Variants in GRM3 observed in about 807,000 individuals in gnomAD.
GRM3 encodes the protein glutamate metabotropic receptor 3.
GRM3 carries 26 observed loss-of-function variants against 70.5 expected under a neutral mutation model. The ratio of observed to expected loss-of-function variants is 0.37; its 90% CI spans 0.27 to 0.51. GRM3 has a LOEUF of 0.51. Ranked by LOEUF, GRM3 falls within the 20% of genes least tolerant of loss-of-function variation. The pLI is 0.93. For synonymous variants in GRM3, 443 were observed against 434.9 expected (o/e 1.02, Z -0.23); for missense variants, 859 against 1,123.8 (o/e 0.76, Z 3.37).
At chr7:86,747,922 A>C (rs1291216388) in intron 1 of GRM3, among the ~76,000 whole-genome samples, 1 of 152,052 alleles carries the variant, frequency 6.6e-6, no homozygotes, top group East Asian at 1.9e-4. Context: ...ACTAAACAGC[A>C]CAGCCTGGAG....
intron 4 of GRM3, among the ~76,000 whole-genome samples, chr7:86,849,685 CTTT>C (rs1479046595): frequency 6.6e-6 from 1 of 152,132 alleles, no homozygotes; most frequent in Non-Finnish European, 1.5e-5. Context: ...TTCTGAGGAA[CTTT>C]CAGGGTAAAC....
chr7:86,763,753 A>C (rs1796534816), intron 1 of GRM3, among the ~76,000 whole-genome samples: 1 of 152,182 alleles, frequency 6.6e-6, no homozygotes, highest in Non-Finnish European at 1.5e-5. Context: ...GGCAGCCACC[A>C]GCAATCACAC....
At chr7:86,850,621 CAT>C in intron 5 of GRM3, 77 bp downstream of exon 5, 1 of 904,760 alleles carries the variant, frequency 1.1e-6, no homozygotes, top group Non-Finnish European at 1.8e-6. Flanking sequence ...ACAGGCAACA[CAT>C]GTCTGTCCCC....
intron 3 of GRM3, among the ~76,000 whole-genome samples, chr7:86,808,025 C>G (rs1797831593): frequency 2.0e-5 from 3 of 152,034 alleles, no homozygotes; most frequent in Admixed American, 2.0e-4. Flanking sequence ...GTCTTTGGTT[C>G]TGTTTATATG....
intron 3 of GRM3, among the ~76,000 whole-genome samples, chr7:86,793,510 G>T (rs1381164621): frequency 6.6e-6 from 1 of 152,176 alleles, no homozygotes; most frequent in Non-Finnish European, 1.5e-5. Flanking sequence ...CAGCTCTGCT[G>T]ATCAAAAGCA....
chr7:86,684,418 T>C (rs1388549403), intron 1 of GRM3, among the ~76,000 whole-genome samples: 1 of 152,230 alleles, frequency 6.6e-6, no homozygotes, highest in African/African-American at 2.4e-5. Flanking sequence ...CAATGCACAA[T>C]GTAGTAAATA....
At chr7:86,722,520 C>T (rs1188932990) in intron 1 of GRM3, among the ~76,000 whole-genome samples, 3 of 149,822 alleles carry the variant, frequency 2.0e-5, no homozygotes, top group African/African-American at 7.4e-5. Context: ...CCAAACACCA[C>T]ACGTTCTCAC....
intron 1 of GRM3, among the ~76,000 whole-genome samples, chr7:86,719,891 G>A (rs958806351): frequency 2.0e-5 from 3 of 152,032 alleles, no homozygotes; most frequent in African/African-American, 7.2e-5. Flanking sequence ...GTCCTGATGT[G>A]TGAGGAAGGA....
chr7:86,746,341 T>TTA (rs59930404), intron 1 of GRM3, among the ~76,000 whole-genome samples: 4,744 of 87,356 alleles, frequency 0.054, 169 homozygotes, highest in East Asian at 0.17. Flanking sequence ...CAGTCATGTA[T>TTA]TATATATATA....
chr7:86,680,614 T>C (rs1297426351), intron 1 of GRM3, among the ~76,000 whole-genome samples: 2 of 152,124 alleles, frequency 1.3e-5, no homozygotes, highest in Non-Finnish European at 2.9e-5. Context: ...CTTAGTACCC[T>C]ATAGCATAAT....
intron 3 of GRM3, among the ~76,000 whole-genome samples, chr7:86,796,206 A>T (rs1046885081): frequency 5.3e-5 from 8 of 152,262 alleles, no homozygotes; most frequent in Admixed American, 5.2e-4. Context: ...GGTTTACATT[A>T]AAGTATTTAA....
At chr7:86,657,784 A>T (rs1793784367) in intron 1 of GRM3, among the ~76,000 whole-genome samples, 2 of 152,102 alleles carry the variant, frequency 1.3e-5, no homozygotes, top group Non-Finnish European at 2.9e-5. Context: ...TGGGAATAAG[A>T]CACATGGAAT....
intron 3 of GRM3, among the ~76,000 whole-genome samples, chr7:86,803,296 C>T (rs1027400264): frequency 2.0e-5 from 3 of 152,138 alleles, no homozygotes; most frequent in South Asian, 4.1e-4. Flanking sequence ...CTTTTGCCTA[C>T]CTCAATTCAC....
chr7:86,768,881 A>G (rs577185211), intron 2 of GRM3, among the ~76,000 whole-genome samples: 129 of 152,246 alleles, frequency 8.5e-4, no homozygotes, highest in African/African-American at 2.8e-3. Context: ...GAACCCTTCA[A>G]TACAGGGTCC....
chr7:86,649,153 G>C (rs973488679), intron 1 of GRM3, among the ~76,000 whole-genome samples: 2 of 152,074 alleles, frequency 1.3e-5, no homozygotes, highest in Non-Finnish European at 2.9e-5. Context: ...TTTTAAACAA[G>C]TACTCTCCCT....
intron 1 of GRM3, among the ~76,000 whole-genome samples, chr7:86,680,760 G>C (rs914307205): frequency 1.3e-5 from 2 of 152,110 alleles, no homozygotes; most frequent in African/African-American, 2.4e-5. Context: ...CTTGTTCTTA[G>C]AGCTCCCAGC....
At chr7:86,734,250 A>G (rs962137565) in intron 1 of GRM3, among the ~76,000 whole-genome samples, 2 of 152,176 alleles carry the variant, frequency 1.3e-5, no homozygotes, top group Non-Finnish European at 2.9e-5. Flanking sequence ...TTAAGCATCA[A>G]TATACAGTGT....
intron 4 of GRM3, among the ~76,000 whole-genome samples, chr7:86,841,665 A>G (rs1335042027): frequency 2.0e-5 from 3 of 152,174 alleles, no homozygotes; most frequent in Non-Finnish European, 4.4e-5. Context: ...CTTCATTCTC[A>G]AAAGAGCTGG....
intron 1 of GRM3, among the ~76,000 whole-genome samples, chr7:86,725,212 T>C (rs762535774): frequency 6.6e-6 from 1 of 152,178 alleles, no homozygotes; most frequent in Non-Finnish European, 1.5e-5. Context: ...TCTTTAAGGA[T>C]TGATTTGAGG....
Sources: allele counts gnomAD v4.1 joint callset (sites outside exome capture counted in the v4.1 genomes callset), GRCh38; gene constraint gnomAD v4.1.1; transcripts MANE v1.5; gene names NCBI Gene and HGNC (gene_info 2026-07-23, HGNC 2026-07-21).